Variants in PANK2 observed in about 807,000 individuals in gnomAD.
PANK2 encodes pantothenate kinase 2, mitochondrial.
PANK2 carries 36 observed loss-of-function variants against 43.1 expected under a neutral mutation model. The ratio of observed to expected loss-of-function variants is 0.84; its 90% CI spans 0.64 to 1.10. The LOEUF is 1.10. Ranked by LOEUF, PANK2 falls within the 50% of genes least tolerant of loss-of-function variation. The probability of loss-of-function intolerance (pLI) is 0.00; values close to 1 mark genes in which losing one functional copy is unlikely to be tolerated. For synonymous variants in PANK2, 281 were observed against 238.2 expected (o/e 1.18, Z -1.66); for missense variants, 576 against 593.3 (o/e 0.97, Z 0.30).
At chr20:3,893,931 G>GTTT (rs374582085) in intron 1 of PANK2, among the ~76,000 whole-genome samples, 9 of 73,164 alleles carry the variant, frequency 1.2e-4, no homozygotes, top group South Asian at 6.3e-4. Flanking sequence ...TTTGTTTTTT[G>GTTT]TTTTTTTTTT....
At chr20:3,889,044 T>G, upstream of PANK2, 6 of 1,400,294 alleles carry the variant, frequency 4.3e-6, no homozygotes, top group African/African-American at 3.0e-5. Flanking sequence ...CCCAGGAGAG[T>G]TCCGCGGCCC....
At chr20:3,891,419 G>A (rs183340231) in intron 1 of PANK2, 9 of 152,180 alleles carry the variant, frequency 5.9e-5, no homozygotes, top group Admixed American at 5.9e-4. Flanking sequence ...GAGGTAGGTG[G>A]TAGTATTCCA....
chr20:3,904,648 A>G (rs188101454), intron 1 of PANK2, among the ~76,000 whole-genome samples: 2 of 152,306 alleles, frequency 1.3e-5, no homozygotes, highest in East Asian at 1.9e-4. Context: ...ATTTAGTTGT[A>G]TATAATTTTA....
chr20:3,906,016 T>A (rs2146854375), intron 1 of PANK2, among the ~76,000 whole-genome samples: 1 of 152,062 alleles, frequency 6.6e-6, no homozygotes, highest in African/African-American at 2.4e-5. Flanking sequence ...GTGCCCGGCC[T>A]AAACCCACAT....
chr20:3,889,189 G>T (rs748578547), upstream of PANK2: 5 of 1,611,406 alleles, frequency 3.1e-6, no homozygotes. Flanking sequence ...CTCTTCCTCC[G>T]CGGAACCCGG....
At chr20:3,905,385 C>T (rs1457068321) in intron 1 of PANK2, among the ~76,000 whole-genome samples, 1 of 144,512 alleles carries the variant, frequency 6.9e-6, no homozygotes, top group Non-Finnish European at 1.5e-5. Flanking sequence ...GAGTCTCGCT[C>T]TGTCACCTAG....
In PANK2 at chr20:3,926,337, G is replaced by GA. The variant is rs1367560974; in HGVS notation, c.*3047dup. ...GAGCAGTGACGGAGGAAGCTGCAAA[G>GA]AAAACGACTGCTCAGGGAGAGGCTG... On this transcript the variant is annotated 3_prime_UTR_variant, in exon 7 of 7. Transcript: ENST00000610179. The GA allele has an allele frequency of 1.3e-5, 2 of 152,332 alleles. No individual in the cohort carries two copies. Among genetic ancestry groups the GA allele is most frequent in the Non-Finnish European group, 2.9e-5 (2 of 68,172 alleles). The allele number at this position is 152,332 out of a possible 1,614,324, so 9.4% of individuals were successfully genotyped here. A position where few individuals can be genotyped will look rare whatever the true frequency, so the allele number is the denominator to read the frequency against.
At chr20:3,922,583 C>A (rs2090662975) in intron 6 of PANK2, among the ~76,000 whole-genome samples, 1 of 152,138 alleles carries the variant, frequency 6.6e-6, no homozygotes. Flanking sequence ...TGTCTGGTGA[C>A]CACCCGGGCA....
chr20:3,913,367 G>A (rs569573779), intron 4 of PANK2, among the ~76,000 whole-genome samples: 1 of 152,026 alleles, frequency 6.6e-6, no homozygotes, highest in Admixed American at 6.6e-5. Flanking sequence ...TTCTGAGACG[G>A]CGTTTTACTC....
chr20:3,925,098 C>G lies in PANK2; in HGVS notation c.*1804C>G, dbSNP rs1316533912. 6.6e-6 allele frequency: 1 copy of G among 152,520 alleles called. No homozygotes were observed. The highest frequency in any genetic ancestry group is 2.4e-5 in the African/African-American group (1 of 41,470). The allele number at this position is 152,520 out of a possible 1,614,324, so 9.4% of individuals were successfully genotyped here. A position where few individuals can be genotyped will look rare whatever the true frequency, so the allele number is the denominator to read the frequency against. ...GACTCAAACCCGGGACTGTCTGTCT[C>G]TGGTGCCTGAGTTGGGAAGACGCTG... is the stretch of plus-strand genomic sequence containing the variant. On this transcript the variant is annotated 3_prime_UTR_variant, in exon 7 of 7. Transcript: ENST00000610179.
intron 1 of PANK2, chr20:3,889,973 A>C (rs1488020924): frequency 6.7e-7 from 1 of 1,488,064 alleles, no homozygotes; most frequent in Non-Finnish European, 9.0e-7. Flanking sequence ...GCTTTTCCCC[A>C]GGACCTGTCC....
chr20:3,896,229 A>ATTTTTTTTTT (rs35978823), intron 1 of PANK2, among the ~76,000 whole-genome samples: 61 of 111,916 alleles, frequency 5.5e-4, no homozygotes, highest in African/African-American at 1.2e-3. Flanking sequence ...CGCCTGGCTA[A>ATTTTTTTTTT]TTTTTTTTTT....
intron 1 of PANK2, among the ~76,000 whole-genome samples, chr20:3,904,535 A>C (rs1381871840): frequency 6.6e-6 from 1 of 150,712 alleles, no homozygotes; most frequent in Non-Finnish European, 1.5e-5. Flanking sequence ...TTGTGATTGC[A>C]CTCCAGCCTG....
chr20:3,901,475 C>A, intron 1 of PANK2: 1 of 361,334 alleles, frequency 2.8e-6, no homozygotes, highest in Non-Finnish European at 3.8e-6. Flanking sequence ...AATTTTGACA[C>A]ATTTAAACTA....
At chr20:3,913,530 G>A (rs2090503124) in intron 4 of PANK2, among the ~76,000 whole-genome samples, 1 of 151,852 alleles carries the variant, frequency 6.6e-6, no homozygotes, top group African/African-American at 2.4e-5. Context: ...TTTTAGTAGG[G>A]AAAGGATTTC....
At chr20:3,888,955 C>T (rs2090058698), upstream of PANK2, 2 of 593,084 alleles carry the variant, frequency 3.4e-6, no homozygotes, top group Non-Finnish European at 2.8e-6. Flanking sequence ...CGGCCAGACG[C>T]TGCGGGAGCA....
At chr20:3,908,938 G>T (rs766064292) in intron 2 of PANK2, 1 of 154,006 alleles carries the variant, frequency 6.5e-6, no homozygotes, top group Non-Finnish European at 1.4e-5. Flanking sequence ...GTCCTTTCAG[G>T]GTGGATGGTG....
At chr20:3,890,212 G>C (rs866574769) in intron 1 of PANK2, among the ~76,000 whole-genome samples, 1 of 152,152 alleles carries the variant, frequency 6.6e-6, no homozygotes, top group African/African-American at 2.4e-5. Context: ...AGTTGCACCA[G>C]GCCTGAAACT....
intron 1 of PANK2, chr20:3,889,953 G>A: frequency 1.3e-6 from 2 of 1,522,510 alleles, no homozygotes. Flanking sequence ...CCCGCTTGTT[G>A]GAGTGGAGGG....
Sources: allele counts gnomAD v4.1 joint callset (sites outside exome capture counted in the v4.1 genomes callset), GRCh38; gene constraint gnomAD v4.1.1; transcripts MANE v1.5; gene names NCBI Gene and HGNC (gene_info 2026-07-23, HGNC 2026-07-21).